ACSM6: variants seen among roughly 807,000 people sequenced by gnomAD.
ACSM6 encodes the protein acyl-coenzyme A synthetase ACSM6, mitochondrial.
Under a neutral mutation model 51.1 loss-of-function variants are expected in ACSM6, and 35 were observed. That is an observed-to-expected ratio of 0.69 (90% confidence interval 0.52 to 0.91). The LOEUF is 0.91. Ranked by LOEUF, ACSM6 falls within the 40% of genes least tolerant of loss-of-function variation. The pLI is 0.00. For missense variants in ACSM6, 509 were observed against 584.1 expected (o/e 0.87, Z 1.32); for synonymous variants, 172 against 207.3 (o/e 0.83, Z 1.46).
intron 2 of ACSM6, among the ~76,000 whole-genome samples, chr10:95,197,189 T>TATCA (rs1050099653): frequency 5.3e-5 from 8 of 152,310 alleles, no homozygotes; most frequent in Admixed American, 3.9e-4. Context: ...CAGTAAATTC[T>TATCA]ATCATGAAGG....
chr10:95,205,263 T>C (rs746076826), intron 3 of ACSM6, among the ~76,000 whole-genome samples: 1 of 152,070 alleles, frequency 6.6e-6, no homozygotes, highest in Non-Finnish European at 1.5e-5. Flanking sequence ...AACACTGCCT[T>C]AGTCTGCTTG....
At chr10:95,211,772 T>G in intron 5 of ACSM6, 106 bp from the exon 6 acceptor site, 8 of 1,213,474 alleles carry the variant, frequency 6.6e-6, no homozygotes, top group African/African-American at 1.5e-5. Flanking sequence ...TTCATTTGTG[T>G]GATCTTTGTT....
intron 7 of ACSM6, 25 bp from the exon 8 acceptor site, chr10:95,214,827 A>C (rs2034928213): frequency 6.5e-7 from 1 of 1,549,160 alleles, no homozygotes; most frequent in Non-Finnish European, 8.7e-7. Context: ...CCTGAGGCTA[A>C]GAACAACTTT....
chr10:95,219,369 TA>T lies in ACSM6; in HGVS notation c.1120-514del, dbSNP rs151297957. 2.6e-5 allele frequency among the ~76,000 whole-genome samples: 4 copies of T among 152,130 alleles called. No individual in the cohort carries two copies. The East Asian group carries it at 5.8e-4, about 22-fold the overall frequency. ...TTCTCATAAATAGCTTTAGTATATTTAAAAAAAAGGCACTAAAAAACAAACA... is the reference window on the plus strand; with the variant it reads ...TTCTCATAAATAGCTTTAGTATATTTAAAAAAAGGCACTAAAAAACAAACA... On this transcript the variant is annotated intron_variant, in intron 8 of 10. Transcript: ENST00000341686.
rs749750311 is a variant in ACSM6 at position 95,201,228 on chromosome 10, T to C, written c.193-757T>C. On this transcript the variant is annotated intron_variant, in intron 2 of 10. Coordinates refer to ENST00000341686, the Ensembl canonical transcript of ACSM6. ...TGTGCAGGTTTGTTGCATGTATAGATGGCACAATGGTGAGGCTTGAGCTTC... is the reference window on the plus strand; with the variant it reads ...TGTGCAGGTTTGTTGCATGTATAGACGGCACAATGGTGAGGCTTGAGCTTC... 8.0e-4 allele frequency among the ~76,000 whole-genome samples: 122 copies of C among 152,194 alleles called. 3 individuals carry two copies. Among genetic ancestry groups the C allele is most frequent in the Non-Finnish European group, 6.2e-4 (42 of 68,042 alleles).
rs147411988 is a variant in ACSM6 at position 95,194,733 on chromosome 10, G to A, written c.192+56G>A. 1.2e-4 allele frequency: 167 copies of A among 1,444,382 alleles called. No homozygotes were observed. The African/African-American group carries it at 1.9e-3, about 16-fold the overall frequency. The allele number at this position is 1,444,382 out of a possible 1,614,324, so 89.5% of individuals were successfully genotyped here. ...TTTGGCCAAGGCCAGTTGGTAAAGC[G>A]TCCAAAGATCATGAGATTCATATCC... is the stretch of plus-strand genomic sequence containing the variant. On this transcript the variant is annotated intron_variant, in intron 2 of 10. Coordinates refer to ENST00000341686, the Ensembl canonical transcript of ACSM6.
chr10:95,194,530 A>G (rs1195188165), exon 2 of ACSM6: 1 of 1,551,786 alleles, frequency 6.4e-7, no homozygotes, highest in Middle Eastern at 1.7e-4. Context: ...GGAGTTTCAG[A>G]CTGGGATTTG....
At chr10:95,196,257 T>C (rs1055708150) in intron 2 of ACSM6, among the ~76,000 whole-genome samples, 7 of 152,188 alleles carry the variant, frequency 4.6e-5, no homozygotes, top group Admixed American at 2.0e-4. Context: ...AGCAGAAGCT[T>C]CCAGGCTGGG....
chr10:95,209,463 G>C (rs1405006237), intron 4 of ACSM6, among the ~76,000 whole-genome samples: 2 of 152,146 alleles, frequency 1.3e-5, no homozygotes, highest in African/African-American at 4.8e-5. Flanking sequence ...CTCAACTGCT[G>C]TCTGAAAAAT....
rs955350877 is a variant in ACSM6, at chr10:95,203,135, G to T, written c.403+940G>T. Among the ~76,000 whole-genome samples the T allele has an allele frequency of 1.5e-4, 23 of 151,946 alleles. 1 individual carries two copies. The highest frequency in any genetic ancestry group is 8.8e-5 in the Non-Finnish European group (6 of 68,008). ...AGCTCTGCCTCCTGTCAGATCAGAG[G>T]TGGCATTAGATTCTCATAGGAGCGC... is the stretch of plus-strand genomic sequence containing the variant. On this transcript the variant is annotated intron_variant, in intron 3 of 10. Transcript: ENST00000341686.
chr10:95,201,731 C>A (rs138370094), intron 2 of ACSM6: 2 of 555,076 alleles, frequency 3.6e-6, no homozygotes, highest in African/African-American at 3.8e-5. Flanking sequence ...GCTGGTTTCA[C>A]GTTACATGCT....
intron 10 of ACSM6, chr10:95,225,711 T>G (rs2035030513): frequency 4.9e-6 from 1 of 202,958 alleles, no homozygotes; most frequent in African/African-American, 2.3e-5. Flanking sequence ...CACCATCACA[T>G]CTATGAAAAT....
At chr10:95,202,636 T>G (rs1362669528) in intron 3 of ACSM6, among the ~76,000 whole-genome samples, 1 of 151,936 alleles carries the variant, frequency 6.6e-6, no homozygotes, top group Non-Finnish European at 1.5e-5. Context: ...AAAGAGAATG[T>G]AGGGGTACTG....
chr10:95,213,610 A>T (rs1230475427), intron 7 of ACSM6, among the ~76,000 whole-genome samples: 2 of 152,210 alleles, frequency 1.3e-5, no homozygotes, highest in African/African-American at 2.4e-5. Flanking sequence ...GTACATTAAT[A>T]AGCCAAGTAC....
chr10:95,218,166 C>G (rs1332618454), intron 8 of ACSM6, among the ~76,000 whole-genome samples: 1 of 152,170 alleles, frequency 6.6e-6, no homozygotes, highest in African/African-American at 2.4e-5. Flanking sequence ...TGAAATAAGG[C>G]AAGGTTGATA....
chr10:95,216,243 A>G (rs1369891712), intron 8 of ACSM6, among the ~76,000 whole-genome samples: 2 of 152,048 alleles, frequency 1.3e-5, no homozygotes, highest in South Asian at 2.1e-4. Flanking sequence ...ATCTCTTCTT[A>G]TAAGGGCACT....
At chr10:95,213,444 C>T (rs1486973650) in intron 7 of ACSM6, among the ~76,000 whole-genome samples, 1 of 152,086 alleles carries the variant, frequency 6.6e-6, no homozygotes, top group African/African-American at 2.4e-5. Flanking sequence ...CCAAAAGAAA[C>T]ATATTATGAT....
intron 4 of ACSM6, among the ~76,000 whole-genome samples, chr10:95,210,115 T>C (rs2133381334): frequency 6.6e-6 from 1 of 152,354 alleles, no homozygotes; most frequent in East Asian, 1.9e-4. Context: ...TTTCATTATT[T>C]AAAAACATTT....
chr10:95,197,584 T>C (rs1351001580), intron 2 of ACSM6, among the ~76,000 whole-genome samples: 1 of 152,194 alleles, frequency 6.6e-6, no homozygotes, highest in South Asian at 2.1e-4. Context: ...CAAGGAAGCA[T>C]TGCTGCAAAC....
Sources: gnomAD v4.1 joint callset for allele counts (sites outside exome capture counted in the v4.1 genomes callset) on GRCh38, gnomAD v4.1.1 for gene constraint, MANE v1.5 for transcripts, NCBI Gene and HGNC (gene_info 2026-07-23, HGNC 2026-07-21) for gene names.